Variants in INSR observed in about 807,000 individuals in gnomAD.
INSR encodes the protein insulin receptor.
A neutral mutation model predicts 142.6 loss-of-function variants in INSR; 67 were observed. The ratio of observed to expected loss-of-function variants is 0.47; its 90% CI spans 0.39 to 0.58. The LOEUF (loss-of-function observed/expected upper bound fraction) is 0.58. INSR is among the 20% of genes least tolerant of loss of function. The pLI is 0.00. For synonymous variants in INSR, 756 were observed against 743.1 expected (o/e 1.02, Z -0.28); for missense variants, 1,248 against 1,833.2 (o/e 0.68, Z 5.83).
At chr19:7,121,495 G>A (rs762089595) in intron 19 of INSR, among the ~76,000 whole-genome samples, 23 of 149,864 alleles carry the variant, frequency 1.5e-4, no homozygotes, top group East Asian at 1.0e-3. Flanking sequence ...TTGAAATAGC[G>A]TCTCACTGTC....
Position 7,119,325 on chromosome 19 carries a change from G to C in INSR, c.3794+124C>G. The stretch of plus-strand genomic sequence containing the variant: ...AAGCTATGCAAACACAAACACACCT[G>C]TAACATACAGCATGCAAACACGGTG... On this transcript the variant is annotated intron_variant, in intron 21 of 21. Transcript: ENST00000302850. The surrounding 1 kb of genome is among the most constrained non-coding windows in gnomAD (Gnocchi z 5.2). 1 of 1,118,440 alleles carries C rather than the reference G, an allele frequency of 8.9e-7. No homozygotes were observed. The allele number at this position is 1,118,440 out of a possible 1,614,324, so 69.3% of individuals were successfully genotyped here. A position where few individuals can be genotyped will look rare whatever the true frequency, so the allele number is the denominator to read the frequency against.
intron 9 of INSR, among the ~76,000 whole-genome samples, chr19:7,160,394 G>T (rs766197897): frequency 6.6e-6 from 1 of 151,574 alleles, no homozygotes; most frequent in Non-Finnish European, 1.5e-5. Flanking sequence ...TGATCCACCC[G>T]CCTCGGCCTC....
Position 7,113,882 on chromosome 19 carries a change from G to T in INSR, c.*3174C>A. The T allele has an allele frequency of 6.6e-6, 1 of 151,976 alleles. No homozygotes were observed. Among genetic ancestry groups the T allele is most frequent in the East Asian group, 1.9e-4 (1 of 5,166 alleles). The allele number at this position is 151,976 out of a possible 1,614,324, so 9.4% of individuals were successfully genotyped here. On this transcript the variant is annotated 3_prime_UTR_variant, in exon 22 of 22. Coordinates refer to ENST00000302850, the MANE Select transcript of INSR (RefSeq NM_000208.4). ...CCTACCTTTCTCCAGGGCAGGTGGA[G>T]AAAGGTGAGTCTGCAAGGGCAGTGC...
At chr19:7,263,457 T>C (rs1056031518) in intron 2 of INSR, among the ~76,000 whole-genome samples, 1 of 152,136 alleles carries the variant, frequency 6.6e-6, no homozygotes, top group Admixed American at 6.5e-5. Context: ...GGCTGAGATA[T>C]ATACCACATG....
At chr19:7,163,925 T>TAAAAAAAAAAAAAAAA (rs748862314) in intron 8 of INSR, among the ~76,000 whole-genome samples, 13 of 44,596 alleles carry the variant, frequency 2.9e-4, no homozygotes, top group African/African-American at 4.6e-4. Context: ...CTATCTCTAC[T>TAAAAAAAAAAAAAAAA]AAAAAAAAAA....
intron 11 of INSR, among the ~76,000 whole-genome samples, chr19:7,149,310 C>T (rs560158116): frequency 6.6e-6 from 1 of 152,118 alleles, no homozygotes; most frequent in Admixed American, 6.6e-5. Flanking sequence ...GAGGGCAGAT[C>T]AGGCCACACA....
chr19:7,183,112 G>A (rs1015845204), intron 3 of INSR, among the ~76,000 whole-genome samples: 2 of 151,790 alleles, frequency 1.3e-5, no homozygotes, highest in African/African-American at 2.4e-5. Context: ...TTTCCTTCCC[G>A]CCCTCTCCAC....
intron 2 of INSR, among the ~76,000 whole-genome samples, chr19:7,191,173 T>C (rs957024206): frequency 6.6e-6 from 1 of 152,158 alleles, no homozygotes; most frequent in African/African-American, 2.4e-5. Context: ...GGCAGGTGCC[T>C]GTAATCCCAG....
intron 13 of INSR, among the ~76,000 whole-genome samples, chr19:7,134,779 T>C (rs1972867191): frequency 6.6e-6 from 1 of 151,458 alleles, no homozygotes; most frequent in South Asian, 2.1e-4. Context: ...AAAAAGAAAA[T>C]GTGGTATACT....
At chr19:7,147,475 TGTAA>T (rs1278593036) in intron 11 of INSR, among the ~76,000 whole-genome samples, 3 of 152,156 alleles carry the variant, frequency 2.0e-5, no homozygotes, top group African/African-American at 2.4e-5. Context: ...GCGCCCAGCC[TGTAA>T]GTGTTTAACT....
intron 13 of INSR, among the ~76,000 whole-genome samples, chr19:7,132,528 C>T (rs1278209892): frequency 1.3e-5 from 2 of 151,874 alleles, no homozygotes; most frequent in East Asian, 1.9e-4. Flanking sequence ...TTATCATTAT[C>T]GGTAAGAGCC....
chr19:7,177,113 G>A (rs933046222), intron 3 of INSR, among the ~76,000 whole-genome samples: 3 of 152,132 alleles, frequency 2.0e-5, no homozygotes, highest in South Asian at 2.1e-4. Context: ...TCCCCAACAC[G>A]GGGTCTCTGA....
chr19:7,122,798 G>A (rs775738599), intron 18 of INSR, 25 bp from the exon 19 acceptor site: 3 of 1,614,136 alleles, frequency 1.9e-6, no homozygotes, highest in Non-Finnish European at 2.5e-6. Context: ...CGGGGTTGGT[G>A]TTTCAGCAGC....
chr19:7,270,196 C>A lies in INSR; in HGVS notation c.101-2300G>T, dbSNP rs565949580. 1.4e-4 allele frequency among the ~76,000 whole-genome samples: 21 copies of A among 152,260 alleles called. No homozygotes were observed. In the South Asian group the frequency reaches 4.3e-3, roughly 32 times the overall value. ...ATCTCCTGACCTCGTGATCCACCCGCCTCAGCCTCCCAAATTGCTGGGATT... is the reference window on the plus strand; with the variant it reads ...ATCTCCTGACCTCGTGATCCACCCGACTCAGCCTCCCAAATTGCTGGGATT... On this transcript the variant is annotated intron_variant, in intron 1 of 21. Coordinates refer to ENST00000302850, the MANE Select transcript of INSR (RefSeq NM_000208.4).
chr19:7,134,533 A>G (rs535837272), intron 13 of INSR, among the ~76,000 whole-genome samples: 5 of 152,076 alleles, frequency 3.3e-5, no homozygotes, highest in African/African-American at 9.6e-5. Flanking sequence ...TTCAGGGGCC[A>G]AGGCGGGCAG....
intron 2 of INSR, among the ~76,000 whole-genome samples, chr19:7,215,501 G>T (rs1975404395): frequency 6.6e-6 from 1 of 150,946 alleles, no homozygotes. Flanking sequence ...AAAGCAAAAT[G>T]CCTAAAGCTT....
At chr19:7,179,938 G>A (rs1367715710) in intron 3 of INSR, among the ~76,000 whole-genome samples, 2 of 152,184 alleles carry the variant, frequency 1.3e-5, no homozygotes, top group African/African-American at 2.4e-5. Flanking sequence ...TTGCAAACGT[G>A]ATACAAGCTG....
At position 7,168,884 on chromosome 19, in the gene INSR, G is replaced by C. The variant is rs749089755; in HGVS notation, c.1484-790C>G. ...CTCCCAGAGTGCTGGGATTCCAGGC[G>C]TGAGCCACCATGCCCAGCCCTTGCA... On this transcript the variant is annotated intron_variant, in intron 6 of 21. Transcript: ENST00000302850. This position sits in a 1 kb window ranked among gnomAD's most constrained non-coding sequence, Gnocchi z 4.3. Among the ~76,000 whole-genome samples the C allele has an allele frequency of 6.6e-6, 1 of 152,052 alleles. No individual in the cohort carries two copies. Among genetic ancestry groups the C allele is most frequent in the Non-Finnish European group, 1.5e-5 (1 of 68,006 alleles).
intron 9 of INSR, among the ~76,000 whole-genome samples, chr19:7,157,662 C>T (rs1476771903): frequency 6.6e-6 from 1 of 152,044 alleles, no homozygotes; most frequent in East Asian, 1.9e-4. Flanking sequence ...GCCTCTGGTA[C>T]AGCCACTGAG....
Sources: gnomAD v4.1 joint callset for allele counts (sites outside exome capture counted in the v4.1 genomes callset) on GRCh38, gnomAD v4.1.1 for gene constraint, Gnocchi (gnomAD v3.1) non-coding constraint, MANE v1.5 for transcripts, NCBI Gene and HGNC (gene_info 2026-07-23, HGNC 2026-07-21) for gene names.